The following ZNF543 variants were observed in gnomAD, a reference collection of about 807,000 sequenced individuals.
The protein encoded by ZNF543 is zinc finger protein 543.
In ZNF543, 10 loss-of-function variants were observed where a neutral mutation model predicts 13.4. That is an observed-to-expected ratio of 0.75 (90% CI 0.46 to 1.26). The LOEUF is 1.26. Among genes scored for constraint, ZNF543 ranks in the 50% most tolerant of loss-of-function variants. The pLI is 0.00. For synonymous variants in ZNF543, 272 were observed against 264.7 expected (o/e 1.03, Z -0.27); for missense variants, 768 against 741.2 (o/e 1.04, Z -0.42).
intron 2 of ZNF543, 79 bp from the exon 3 acceptor site, chr19:57,326,554 C>T: frequency 9.3e-7 from 1 of 1,072,224 alleles, no homozygotes; most frequent in East Asian, 2.4e-5. Flanking sequence ...TCTTCCCCAT[C>T]CTGCAGTCCC....
At chr19:57,326,867 G>GCCC (rs869161724) in intron 3 of ZNF543, 139 bp downstream of exon 3, 3 of 92,370 alleles carry the variant, frequency 3.2e-5, no homozygotes, top group African/African-American at 3.2e-4. Flanking sequence ...CTCCCCGCCC[G>GCCC]CCCCCCCCCA....
At chr19:57,323,347 G>A (rs1037038103) in intron 1 of ZNF543, among the ~76,000 whole-genome samples, 8 of 151,936 alleles carry the variant, frequency 5.3e-5, no homozygotes, top group Non-Finnish European at 8.8e-5. Flanking sequence ...GCCCGCCACC[G>A]CGCCCGGCTA....
rs750538432 is a variant in ZNF543, at chr19:57,328,562, TTGAA to T, written c.1103_1106del (p.Glu368AlafsTer197). 18 of 1,603,980 alleles carry T rather than the reference TTGAA, an allele frequency of 1.1e-5. No homozygotes were observed. The highest frequency in any genetic ancestry group is 4.2e-5 in the African/African-American group (3 of 71,798). On this transcript the variant is annotated frameshift_variant, in exon 4 of 4. Coordinates refer to ENST00000321545, the MANE Select transcript of ZNF543 (RefSeq NM_213598.4). LOFTEE classifies it low-confidence loss of function (END_TRUNC). ...CAGATTCACACTGGAGTGAAACCCT[TTGAA>T]TGCAACGAGTGTGGAAAAGCTTTTT...
intron 1 of ZNF543, among the ~76,000 whole-genome samples, chr19:57,321,398 G>C (rs904741196): frequency 1.3e-5 from 2 of 152,192 alleles, no homozygotes; most frequent in Non-Finnish European, 2.9e-5. Flanking sequence ...GGCGCCTTAC[G>C]CACTTGCCCA....
intron 2 of ZNF543, 42 bp downstream of exon 2, chr19:57,323,850 C>A (rs942665120): frequency 1.9e-6 from 3 of 1,594,422 alleles, no homozygotes; most frequent in African/African-American, 1.3e-5. Context: ...GGATTGAGTT[C>A]TCCTACTCAT....
Position 57,328,902 on chromosome 19 carries a change from G to A in ZNF543, c.1440G>A (p.Glu480=), listed in dbSNP as rs754909466. The A allele has an allele frequency of 6.2e-7, 1 of 1,613,612 alleles. No individual in the cohort carries two copies. The highest frequency in any genetic ancestry group is 8.5e-7 in the Non-Finnish European group (1 of 1,179,890). Reference sequence around the variant, plus strand: ...TCCACACTGGAGAGAAACCCTATGAGTGCGTGGAGTGTGGAAAGGCCTTCA... The same window carrying A: ...TCCACACTGGAGAGAAACCCTATGAATGCGTGGAGTGTGGAAAGGCCTTCA... The part of the protein sequence containing the change: ...FSIHTGEKPY[E]CVECGKAFNR... Residue 480 remains glutamate, a synonymous_variant, in exon 4 of 4, where the codon GAG becomes GAA. Transcript: ENST00000321545.
chr19:57,329,647 G>A lies in ZNF543; in HGVS notation c.*382G>A, dbSNP rs911264697. 10 of 163,108 alleles carry A rather than the reference G, an allele frequency of 6.1e-5. No individual in the cohort carries two copies. Among genetic ancestry groups the A allele is most frequent in the Non-Finnish European group, 1.3e-4 (10 of 74,466 alleles). 10.1% of individuals were successfully genotyped at this position (163,108 alleles called of 1,614,324 possible). On this transcript the variant is annotated 3_prime_UTR_variant, in exon 4 of 4. Transcript: ENST00000321545. Reference sequence around the variant, plus strand: ...CCTGCCTCAGCCTCCCAAGTAGCTGGGACTACAGGCACCCGCCACTACGCC... The same window carrying A: ...CCTGCCTCAGCCTCCCAAGTAGCTGAGACTACAGGCACCCGCCACTACGCC...
In ZNF543 at chr19:57,326,701, A is replaced by G; in HGVS notation, c.214A>G (p.Lys72Glu). 6.2e-7 allele frequency: 1 copy of G among 1,613,942 alleles called. No homozygotes were observed. Among genetic ancestry groups the G allele is most frequent in the Non-Finnish European group, 8.5e-7 (1 of 1,179,976 alleles). Residue 72 changes from lysine to glutamate, a missense_variant, in exon 3 of 4, where the codon AAA becomes GAA. By Grantham distance (56) the Lys-to-Glu change is moderately conservative. Coordinates refer to ENST00000321545, the MANE Select transcript of ZNF543 (RefSeq NM_213598.4). ...CAGACAGGAGCTATGGATGGCTACA[A>G]AAGACCTCTCCCAAAGCTCCTATCC... ...DHRQELWMATKDLSQSSYPGD... is the reference protein window; with the variant it reads ...DHRQELWMATEDLSQSSYPGD...
chr19:57,324,159 G>C (rs1458646410), intron 2 of ZNF543, among the ~76,000 whole-genome samples: 1 of 152,054 alleles, frequency 6.6e-6, no homozygotes, highest in East Asian at 1.9e-4. Context: ...AGACAAGCCT[G>C]GGCAACATGG....
At position 57,329,614 on chromosome 19, in the gene ZNF543, G is replaced by A. The variant is rs918679289; in HGVS notation, c.*349G>A. The A allele has an allele frequency of 9.5e-4, 162 of 170,158 alleles. No individual in the cohort carries two copies. Among genetic ancestry groups the A allele is most frequent in the African/African-American group, 3.0e-3 (122 of 41,350 alleles). 10.5% of individuals were successfully genotyped at this position (170,158 alleles called of 1,614,324 possible). A position where few individuals can be genotyped will look rare whatever the true frequency, so the allele number is the denominator to read the frequency against. On this transcript the variant is annotated 3_prime_UTR_variant, in exon 4 of 4. Coordinates refer to ENST00000321545, the MANE Select transcript of ZNF543 (RefSeq NM_213598.4). ...TGCAAGCTCCGCCTCCCGGGTTCACGCCATTCTCCTGCCTCAGCCTCCCAA... is the reference window on the plus strand; with the variant it reads ...TGCAAGCTCCGCCTCCCGGGTTCACACCATTCTCCTGCCTCAGCCTCCCAA...
In ZNF543 at chr19:57,328,969, G is replaced by A. The variant is rs374981281; in HGVS notation, c.1507G>A (p.Gly503Arg). ...HLTRHQQIHT[G>R]EKPYECIQCG... ...CACGAGGCACCAACAGATTCACACT[G>A]GAGAGAAACCCTATGAATGCATCCA... The change falls in exon 4 of 4, where the codon GGA becomes AGA. Residue 503 changes from glycine to arginine, a missense_variant. Physicochemically the swap from Gly to Arg is moderately radical, Grantham distance 125 (BLOSUM62 -2). This residue lies in a region of ZNF543 where 677 missense variants were observed against 631.4 expected (regional missense o/e 1.07). Coordinates refer to ENST00000321545, the MANE Select transcript of ZNF543 (RefSeq NM_213598.4). 1.2e-6 allele frequency: 2 copies of A among 1,614,114 alleles called. No individual in the cohort carries two copies. The highest frequency in any genetic ancestry group is 1.3e-5 in the African/African-American group (1 of 74,932).
rs2088131666 is a variant in ZNF543, at chr19:57,327,772, C to T, written c.310C>T (p.Leu104Phe). The T allele has an allele frequency of 6.2e-7, 1 of 1,613,918 alleles. No individual in the cohort carries two copies. The highest frequency in any genetic ancestry group is 1.3e-5 in the African/African-American group (1 of 74,902). Reference sequence around the variant, plus strand: ...CCTGGCCTTGCCTGAGGAAGTCTTACTCCAGGAACAACTGACACAAGGAGC... The same window carrying T: ...CCTGGCCTTGCCTGAGGAAGTCTTATTCCAGGAACAACTGACACAAGGAGC... ...SHLALPEEVLLQEQLTQGASK... is the reference protein window; with the variant it reads ...SHLALPEEVLFQEQLTQGASK... Residue 104 changes from leucine to phenylalanine, a missense_variant, in exon 4 of 4, where the codon CTC (leucine) becomes TTC (phenylalanine). By Grantham distance (22) the Leu-to-Phe change is conservative. Coordinates refer to ENST00000321545, the MANE Select transcript of ZNF543 (RefSeq NM_213598.4).
Position 57,327,982 on chromosome 19 carries a change from A to G in ZNF543, c.520A>G (p.Thr174Ala), listed in dbSNP as rs767052363. 1.4e-5 allele frequency: 22 copies of G among 1,614,086 alleles called. No homozygotes were observed. Among genetic ancestry groups the G allele is most frequent in the Admixed American group, 8.3e-5 (5 of 60,008 alleles). ...CTKITQKQVSTEGDLYECDSH... is the reference protein window; with the variant it reads ...CTKITQKQVSAEGDLYECDSH... ...AAAGATTACACAGAAACAAGTTTCA[A>G]CAGAAGGTGATCTCTATGAATGTGA... The change falls in exon 4 of 4, where the codon ACA becomes GCA. Residue 174 changes from threonine (T) to alanine (A), a missense_variant. Thr to Ala is a moderately conservative substitution (Grantham distance 58, BLOSUM62 0). Coordinates refer to ENST00000321545, the MANE Select transcript of ZNF543 (RefSeq NM_213598.4).
chr19:57,323,984 A>G, intron 2 of ZNF543, among the ~76,000 whole-genome samples, 176 bp downstream of exon 2: 1 of 152,082 alleles, frequency 6.6e-6, no homozygotes, highest in Non-Finnish European at 1.5e-5. Context: ...GTCCACTCCC[A>G]TCTCCACTGC....
Position 57,320,738 on chromosome 19 carries a change from A to C in ZNF543, c.-116A>C. On this transcript the variant is annotated 5_prime_UTR_variant, in exon 1 of 4. Transcript: ENST00000321545. ...CTTTGTGCGCATTTTTCTCTGGGGAAACTGAGGCTCCGAGTGCGAAAGTCA... is the reference window on the plus strand; with the variant it reads ...CTTTGTGCGCATTTTTCTCTGGGGACACTGAGGCTCCGAGTGCGAAAGTCA... 1 of 1,313,514 alleles carries C rather than the reference A, an allele frequency of 7.6e-7. No homozygotes were observed. The highest frequency in any genetic ancestry group is 1.0e-6 in the Non-Finnish European group (1 of 958,444). The allele number at this position is 1,313,514 out of a possible 1,614,324, so 81.4% of individuals were successfully genotyped here. A position where few individuals can be genotyped will look rare whatever the true frequency, so the allele number is the denominator to read the frequency against.
At chr19:57,324,689 C>T (rs369744165) in intron 2 of ZNF543, among the ~76,000 whole-genome samples, 8 of 152,320 alleles carry the variant, frequency 5.3e-5, no homozygotes, top group African/African-American at 1.9e-4. Flanking sequence ...GCCTCGATCT[C>T]TTCATCTATA....
At chr19:57,325,919 C>A (rs1016525825) in intron 2 of ZNF543, among the ~76,000 whole-genome samples, 1 of 152,206 alleles carries the variant, frequency 6.6e-6, no homozygotes, top group Non-Finnish European at 1.5e-5. Flanking sequence ...TCATTTAGCC[C>A]TTCCTGAAAG....
rs1227350917 is a variant in ZNF543 at position 57,329,270 on chromosome 19, G to A, written c.*5G>A. ...ACTGAAGAAAATCTGTGGTGAAAGG[G>A]AACATCTTACCATCTGGCCATTCAC... On this transcript the variant is annotated 3_prime_UTR_variant, in exon 4 of 4. Transcript: ENST00000321545. The A allele has an allele frequency of 6.3e-7, 1 of 1,591,106 alleles. No individual in the cohort carries two copies. Among genetic ancestry groups the A allele is most frequent in the Non-Finnish European group, 8.6e-7 (1 of 1,168,316 alleles).
At position 57,328,800 on chromosome 19, in the gene ZNF543, A is replaced by G. The variant is rs2088142631; in HGVS notation, c.1338A>G (p.Thr446=). 1 of 1,613,802 alleles carries G rather than the reference A, an allele frequency of 6.2e-7. No individual in the cohort carries two copies. Among genetic ancestry groups the G allele is most frequent in the Non-Finnish European group, 8.5e-7 (1 of 1,179,946 alleles). ...STFVLHKRTH[T]GEKPYECKEC... Reference sequence around the variant, plus strand: ...TTGTCTTGCATAAAAGGACCCACACAGGAGAAAAACCCTATGAATGCAAAG... The same window carrying G: ...TTGTCTTGCATAAAAGGACCCACACGGGAGAAAAACCCTATGAATGCAAAG... Residue 446 remains threonine, a synonymous_variant, in exon 4 of 4, where the codon ACA becomes ACG. Transcript: ENST00000321545.
Sources: gnomAD v4.1 joint callset for allele counts (sites outside exome capture counted in the v4.1 genomes callset) on GRCh38, gnomAD v4.1.1 for gene constraint, gnomAD v4.1.1 regional missense constraint, MANE v1.5 for transcripts, NCBI Gene and HGNC (gene_info 2026-07-23, HGNC 2026-07-21) for gene names.